The following CMSS1 variants were observed in gnomAD, a reference collection of about 807,000 sequenced individuals.
CMSS1 encodes protein CMSS1.
CMSS1 carries 33 observed loss-of-function variants against 43.5 expected under a neutral mutation model. That is an observed-to-expected ratio of 0.76 (90% CI 0.57 to 1.01). The LOEUF (loss-of-function observed/expected upper bound fraction) is 1.01, where lower values mean the gene tolerates loss of function less well. Among genes scored for constraint, CMSS1 ranks in the 50% least tolerant of loss-of-function variants. CMSS1 has a pLI of 0.00. For missense variants in CMSS1, 313 were observed against 326.4 expected (o/e 0.96, Z 0.32); for synonymous variants, 115 against 117.2 (o/e 0.98, Z 0.12).
intron 1 of CMSS1, among the ~76,000 whole-genome samples, chr3:100,110,466 A>C (rs2066472282): frequency 6.6e-6 from 1 of 152,180 alleles, no homozygotes; most frequent in Admixed American, 6.6e-5. Context: ...TGGATCCATC[A>C]TGAAGATACC....
intron 1 of CMSS1, among the ~76,000 whole-genome samples, chr3:99,884,919 A>T (rs1705844504): frequency 6.6e-6 from 1 of 152,144 alleles, no homozygotes; most frequent in African/African-American, 2.4e-5. Context: ...AGGTTTCTTT[A>T]CTTCCTTGAC....
intron 1 of CMSS1, among the ~76,000 whole-genome samples, chr3:99,901,027 G>A (rs1706418823): frequency 6.6e-6 from 1 of 152,218 alleles, no homozygotes; most frequent in Admixed American, 6.5e-5. Context: ...TATGAAGGCA[G>A]GCAGGGAATA....
chr3:100,101,574 T>A (rs1389976231), intron 1 of CMSS1, among the ~76,000 whole-genome samples: 2 of 152,168 alleles, frequency 1.3e-5, no homozygotes, highest in African/African-American at 4.8e-5. Flanking sequence ...ACATGCACTC[T>A]CTGATCCAGT....
At chr3:99,888,155 G>T (rs1428323467) in intron 1 of CMSS1, among the ~76,000 whole-genome samples, 1 of 152,040 alleles carries the variant, frequency 6.6e-6, no homozygotes, top group African/African-American at 2.4e-5. Flanking sequence ...AAATAAAATG[G>T]GTCTATGAAG....
chr3:99,998,861 G>A lies in CMSS1; in HGVS notation c.65-148112G>A, dbSNP rs138138437. 4.3e-3 allele frequency among the ~76,000 whole-genome samples: 654 copies of A among 152,230 alleles called. 4 individuals are homozygous for A. Among genetic ancestry groups the A allele is most frequent in the African/African-American group, 0.015 (604 of 41,512 alleles). On this transcript the variant is annotated intron_variant, in intron 1 of 9. Coordinates refer to ENST00000421999, the MANE Select transcript of CMSS1 (RefSeq NM_032359.4). The stretch of plus-strand genomic sequence containing the variant: ...TGGGATTACAGGCGTGAGCCACCGC[G>A]CCCGGCCATGGTTCTTAAACTCTAA...
At chr3:99,970,382 G>T (rs1298309748) in intron 1 of CMSS1, among the ~76,000 whole-genome samples, 1 of 152,204 alleles carries the variant, frequency 6.6e-6, no homozygotes. Flanking sequence ...CTCCTCTTAA[G>T]CATGTAATAA....
At chr3:100,092,414 G>A (rs75775346) in intron 1 of CMSS1, among the ~76,000 whole-genome samples, 13,528 of 151,970 alleles carry the variant, frequency 0.089, 759 homozygotes, top group East Asian at 0.2. Context: ...TGTTTTGAGT[G>A]AGAAGTTTGG....
chr3:99,851,300 C>G (rs947116209), intron 1 of CMSS1, among the ~76,000 whole-genome samples: 7 of 152,112 alleles, frequency 4.6e-5, no homozygotes, highest in African/African-American at 1.4e-4. Context: ...TCACCAGGAG[C>G]CTTAGTAAAA....
At position 100,005,969 on chromosome 3, in the gene CMSS1, A is replaced by G. The variant is rs1414430391; in HGVS notation, c.65-141004A>G. Among the ~76,000 whole-genome samples the G allele has an allele frequency of 2.0e-5, 3 of 152,126 alleles. No homozygotes were observed. In the East Asian group the frequency reaches 5.8e-4, roughly 29 times the overall value. The stretch of plus-strand genomic sequence containing the variant: ...CTCCGCTATTGCTTTTTCAATCCAC[A>G]CATGCCAGAACCAGAATGGAGAATG... On this transcript the variant is annotated intron_variant, in intron 1 of 9. Transcript: ENST00000421999.
intron 1 of CMSS1, chr3:99,930,681 G>GAA: frequency 7.1e-7 from 1 of 1,406,516 alleles, no homozygotes; most frequent in South Asian, 1.3e-5. Flanking sequence ...ATGAACCACA[G>GAA]ATATCTATTT....
At chr3:100,067,167 G>A (rs566184991) in intron 1 of CMSS1, among the ~76,000 whole-genome samples, 10 of 58,886 alleles carry the variant, frequency 1.7e-4, no homozygotes, top group Non-Finnish European at 4.6e-4. Context: ...TTTTGATCTC[G>A]TTTGTTTGTT....
chr3:99,983,689 CAAA>C (rs533900254), intron 1 of CMSS1, among the ~76,000 whole-genome samples: 3 of 89,936 alleles, frequency 3.3e-5, no homozygotes, highest in Non-Finnish European at 2.3e-5. Context: ...GACTCAGTCT[CAAA>C]AAAAAAAAAA....
chr3:99,993,563 G>C (rs1261716402), intron 1 of CMSS1, among the ~76,000 whole-genome samples: 1 of 152,088 alleles, frequency 6.6e-6, no homozygotes, highest in East Asian at 1.9e-4. Flanking sequence ...CCAGTTCTTA[G>C]AGGGAATGCT....
At chr3:99,891,570 GT>G (rs200616361) in intron 1 of CMSS1, among the ~76,000 whole-genome samples, 2 of 151,376 alleles carry the variant, frequency 1.3e-5, no homozygotes, top group African/African-American at 4.9e-5. Context: ...GATTTTTTGG[GT>G]TTTTTTTGTT....
At chr3:100,143,508 A>G (rs2066821070) in intron 1 of CMSS1, among the ~76,000 whole-genome samples, 1 of 152,280 alleles carries the variant, frequency 6.6e-6, no homozygotes, top group East Asian at 1.9e-4. Flanking sequence ...ACTTGGAAAG[A>G]GTGTGTATTC....
chr3:99,923,436 C>A (rs1707185532), intron 1 of CMSS1, among the ~76,000 whole-genome samples: 1 of 152,190 alleles, frequency 6.6e-6, no homozygotes. Flanking sequence ...AAACTGTGCC[C>A]CATTCCCATA....
At chr3:99,915,916 A>G (rs534435072) in intron 1 of CMSS1, among the ~76,000 whole-genome samples, 2 of 152,352 alleles carry the variant, frequency 1.3e-5, no homozygotes, top group African/African-American at 4.8e-5. Context: ...GTCTACATAA[A>G]TGCTTTCTTG....
At chr3:99,854,783 G>A (rs1943877579) in intron 1 of CMSS1, among the ~76,000 whole-genome samples, 1 of 152,140 alleles carries the variant, frequency 6.6e-6, no homozygotes, top group Admixed American at 6.6e-5. Flanking sequence ...AGACTCCATC[G>A]TTTTGCTTTA....
chr3:99,835,938 A>G (rs749728371), intron 1 of CMSS1, among the ~76,000 whole-genome samples: 4 of 152,202 alleles, frequency 2.6e-5, no homozygotes, highest in Non-Finnish European at 4.4e-5. Context: ...ATCAAAGGTA[A>G]GAAGGCCCAG....
Sources: gnomAD v4.1 joint callset for allele counts (sites outside exome capture counted in the v4.1 genomes callset) on GRCh38, gnomAD v4.1.1 for gene constraint, MANE v1.5 for transcripts, NCBI Gene and HGNC (gene_info 2026-07-23, HGNC 2026-07-21) for gene names.